Variants in IRAG2 observed in about 807,000 individuals in gnomAD.
IRAG2 encodes inositol 1,4,5-triphosphate receptor associated 2, also known as lymphoid restricted membrane protein.
A neutral mutation model predicts 69.9 loss-of-function variants in IRAG2; 45 were observed. The ratio of observed to expected loss-of-function variants is 0.64; its 90% CI spans 0.51 to 0.83. IRAG2 has a LOEUF of 0.83. Among genes scored for constraint, IRAG2 ranks in the 40% least tolerant of loss-of-function variants. The probability of loss-of-function intolerance (pLI) is 0.00; values close to 1 mark genes in which losing one functional copy is unlikely to be tolerated. For synonymous variants in IRAG2, 193 were observed against 202.4 expected, an observed-to-expected ratio of 0.95 and a Z score of 0.40; for missense variants, 520 against 587.0, an observed-to-expected ratio of 0.89 and a Z score of 1.18.
In IRAG2 at chr12:25,103,809, T is replaced by A. The variant is rs143585646; in HGVS notation, c.934-28T>A. ...TAATGATAAATTATTGAGAGTTTTC[T>A]AAATGTACATTTTCCTCCTTCTGGT... On this transcript the variant is annotated intron_variant, in intron 17 of 21. Transcript: ENST00000556887. The A allele has an allele frequency of 2.7e-4, 421 of 1,535,806 alleles. 4 individuals are homozygous for A. The East Asian group carries it at 9.4e-3, about 34-fold the overall frequency.
chr12:25,060,881 T>C (rs975664597), intron 1 of IRAG2, among the ~76,000 whole-genome samples: 6 of 151,916 alleles, frequency 3.9e-5, no homozygotes, highest in Non-Finnish European at 5.9e-5. Context: ...TTGGCCAGGC[T>C]AGTCCCAAAG....
rs116486083 is a variant in IRAG2 at position 25,005,019 on chromosome 12, T to A, written c.574+104T>A. 235 of 746,286 alleles carry A rather than the reference T, an allele frequency of 3.1e-4. No individual in the cohort carries two copies. In the African/African-American group the frequency reaches 3.8e-3, roughly 12 times the overall value. The allele number at this position is 746,286 out of a possible 1,614,324, so 46.2% of individuals were successfully genotyped here. ...AAAATCTACATTATTAAAGTTTGGA[T>A]GGAATCATCCATCTTTCCCTTTCTG... On this transcript the variant is annotated intron_variant, in intron 1 of 38. Transcript: ENST00000636465.
chr12:25,107,798 A>T lies in IRAG2; in HGVS notation c.1257-19A>T. The T allele has an allele frequency of 6.3e-7, 1 of 1,599,928 alleles. No individual in the cohort carries two copies. Among genetic ancestry groups the T allele is most frequent in the African/African-American group, 1.3e-5 (1 of 74,670 alleles). Reference sequence around the variant, plus strand: ...GACAAATTACCGATTACCAAATTCTATTTGTGTTTTCCTTATAGTTATGAC... The same window carrying T: ...GACAAATTACCGATTACCAAATTCTTTTTGTGTTTTCCTTATAGTTATGAC... On this transcript the variant is annotated intron_variant, in intron 21 of 21. Transcript: ENST00000556887.
chr12:25,034,051 C>T (rs1314671944), intron 13 of IRAG2: 5 of 396,142 alleles, frequency 1.3e-5, no homozygotes, highest in Non-Finnish European at 2.2e-5. Context: ...ACCAGTGACA[C>T]TGAGAGAATG....
intron 6 of IRAG2, among the ~76,000 whole-genome samples, chr12:25,077,048 T>C (rs75761974): frequency 0.022 from 3,354 of 150,658 alleles, 47 homozygotes; most frequent in Non-Finnish European, 0.032. Context: ...GCTCATTTTT[T>C]AGTAGAGATG....
intron 11 of IRAG2, among the ~76,000 whole-genome samples, chr12:25,088,855 A>G (rs1002356598): frequency 1.3e-5 from 2 of 152,196 alleles, no homozygotes; most frequent in Admixed American, 1.3e-4. Context: ...ATTAATATGT[A>G]TGAAGCACTT....
intron 17 of IRAG2, chr12:25,102,552 C>T (rs1448035479): frequency 3.1e-6 from 1 of 324,204 alleles, no homozygotes; most frequent in Non-Finnish European, 5.7e-6. Context: ...CTCCTCCTTT[C>T]GTGCTGCCTC....
At chr12:25,016,271 A>C (rs1287189029) in intron 5 of IRAG2, among the ~76,000 whole-genome samples, 1 of 152,212 alleles carries the variant, frequency 6.6e-6, no homozygotes, top group African/African-American at 2.4e-5. Context: ...AAAAAGAAAA[A>C]GAGACCTGGG....
intron 11 of IRAG2, 152 bp from the exon 12 acceptor site, chr12:25,089,462 T>C (rs565884551): frequency 8.9e-6 from 5 of 563,522 alleles, no homozygotes; most frequent in African/African-American, 3.8e-5. Context: ...TAGCATAACA[T>C]TATAATTTAA....
chr12:25,101,412 T>A lies in IRAG2; in HGVS notation c.889+87T>A, dbSNP rs1241437918. On this transcript the variant is annotated intron_variant, in intron 16 of 21. Transcript: ENST00000556887. ...AAGTCTTATTATTACTTCAGTATAA[T>A]AAAACTCTTAGGTTAACTTTATATT... 7 of 884,198 alleles carry A rather than the reference T, an allele frequency of 7.9e-6. No homozygotes were observed. The Admixed American group carries it at 2.5e-4, about 31-fold the overall frequency. 54.8% of individuals were successfully genotyped at this position (884,198 alleles called of 1,614,324 possible).
rs79618804 is a variant in IRAG2 at position 25,063,690 on chromosome 12, A to C, written c.-303-30A>C. 3,081 of 398,732 alleles carry C rather than the reference A, an allele frequency of 7.7e-3. 75 individuals carry two copies. The highest frequency in any genetic ancestry group is 0.057 in the African/African-American group (2,766 of 48,628). The allele number at this position is 398,732 out of a possible 1,614,324, so 24.7% of individuals were successfully genotyped here. ...TGAAATATATGTTACATTCCTTTAG[A>C]TGGCTAATACTACTTGGTTTTCTGT... On this transcript the variant is annotated intron_variant, in intron 3 of 21. Transcript: ENST00000556887.
chr12:25,076,451 T>C (rs1474926813), intron 6 of IRAG2: 1 of 982,920 alleles, frequency 1.0e-6, no homozygotes, highest in Non-Finnish European at 1.2e-6. Context: ...TGTAACATAA[T>C]GGAGGCAAAC....
intron 16 of IRAG2, among the ~76,000 whole-genome samples, chr12:25,038,567 G>A (rs1265632655): frequency 2.0e-5 from 3 of 151,716 alleles, no homozygotes; most frequent in African/African-American, 4.8e-5. Context: ...GCTTGAACCC[G>A]GGAGGCAGAG....
At chr12:25,068,779 AG>A (rs1946148355) in intron 5 of IRAG2, among the ~76,000 whole-genome samples, 1 of 152,198 alleles carries the variant, frequency 6.6e-6, no homozygotes, top group Non-Finnish European at 1.5e-5. Flanking sequence ...CAAATATTAG[AG>A]TAAAGATTCC....
intron 9 of IRAG2, among the ~76,000 whole-genome samples, chr12:25,083,129 A>C (rs1016987844): frequency 3.3e-5 from 5 of 152,198 alleles, no homozygotes; most frequent in African/African-American, 9.7e-5. Flanking sequence ...TGTACCAGTC[A>C]TGTGTTCCAT....
At chr12:25,074,126 A>C (rs1278920522) in intron 6 of IRAG2, among the ~76,000 whole-genome samples, 2 of 152,232 alleles carry the variant, frequency 1.3e-5, no homozygotes, top group East Asian at 3.8e-4. Flanking sequence ...CCCCTGTGAA[A>C]TAGACATTGA....
intron 1 of IRAG2, among the ~76,000 whole-genome samples, chr12:25,061,228 G>A (rs1183607910): frequency 2.6e-5 from 4 of 152,126 alleles, no homozygotes; most frequent in Non-Finnish European, 5.9e-5. Flanking sequence ...AAGGAGACAA[G>A]GTTAAATATG....
intron 14 of IRAG2, among the ~76,000 whole-genome samples, chr12:25,096,647 G>A (rs539964479): frequency 6.6e-6 from 1 of 152,090 alleles, no homozygotes; most frequent in Non-Finnish European, 1.5e-5. Flanking sequence ...GTAGAAGAAA[G>A]ATGTGGCAAA....
In IRAG2 at chr12:25,104,436, T is replaced by C; in HGVS notation, c.1122T>C (p.Asp374=). The C allele has an allele frequency of 6.2e-7, 1 of 1,612,600 alleles. No individual in the cohort carries two copies. The highest frequency in any genetic ancestry group is 8.5e-7 in the Non-Finnish European group (1 of 1,178,628). Residue 374 remains aspartate, a synonymous_variant, in exon 20 of 22, where the codon GAT becomes GAC. Coordinates refer to ENST00000556887, the MANE Select transcript of IRAG2 (RefSeq NM_001366544.2). Reference sequence around the variant, plus strand: ...TTATTAGCACCTATTCCTGGGCAGATGCTGAAGAAGAAAAATGTGAACTAA... The same window carrying C: ...TTATTAGCACCTATTCCTGGGCAGACGCTGAAGAAGAAAAATGTGAACTAA... The part of the protein sequence containing the change: ...PRFISTYSWA[D]AEEEKCELKT...
Sources: allele counts gnomAD v4.1 joint callset (sites outside exome capture counted in the v4.1 genomes callset), GRCh38; gene constraint gnomAD v4.1.1; transcripts MANE v1.5; gene names NCBI Gene and HGNC (gene_info 2026-07-23, HGNC 2026-07-21).